Variants in COX7A1 observed in about 807,000 individuals in gnomAD.
The protein encoded by COX7A1 is cytochrome c oxidase subunit 7A1, mitochondrial.
A neutral mutation model predicts 13.2 loss-of-function variants in COX7A1; 21 were observed. That is an observed-to-expected ratio of 1.59 (90% confidence interval 1.13 to 2.29). COX7A1 has a LOEUF of 2.29. Ranked by LOEUF, COX7A1 falls within the 30% of genes most tolerant of loss-of-function variation. The pLI, the probability that COX7A1 is intolerant of heterozygous loss-of-function variation, is 0.00. For synonymous variants in COX7A1, 41 were observed against 41.9 expected (o/e 0.98, Z 0.08); for missense variants, 107 against 100.0 (o/e 1.07, Z -0.30).
intron 2 of COX7A1, 32 bp downstream of exon 2, chr19:36,151,637 G>T: frequency 6.3e-7 from 1 of 1,599,414 alleles, no homozygotes; most frequent in Non-Finnish European, 8.5e-7. Context: ...CCCGGCTGGC[G>T]CGTCGGATCC....
chr19:36,152,164 T>C, intron 1 of COX7A1: 1 of 536,184 alleles, frequency 1.9e-6, no homozygotes, highest in Non-Finnish European at 3.3e-6. Flanking sequence ...GTGTTAAGGG[T>C]TCCCGAGATG....
chr19:36,151,666 C>CCCCCCCCTGG lies in COX7A1; in HGVS notation c.102+2_102+3insCCAGGGGGGG. 1.9e-6 allele frequency: 3 copies of CCCCCCCCTGG among 1,584,890 alleles called. No homozygotes were observed. Among genetic ancestry groups the CCCCCCCCTGG allele is most frequent in the South Asian group, 2.2e-5 (2 of 89,350 alleles). ...CGGATCCCCACCCCCCCCGACCCCC[C>CCCCCCCCTGG]ACCTGGAAGAGCTTCTGTTTCTCGC... On this transcript the variant is annotated splice_region_variant and intron_variant, in intron 2 of 3. Transcript: ENST00000292907.
intron 3 of COX7A1, 74 bp from the exon 4 acceptor site, chr19:36,151,108 C>T: frequency 6.8e-7 from 1 of 1,474,376 alleles, no homozygotes; most frequent in Non-Finnish European, 9.3e-7. Flanking sequence ...TTAAGGCCTT[C>T]AGGCTCCCTG....
At chr19:36,151,379 G>T in intron 3 of COX7A1, 83 bp downstream of exon 3, 1 of 1,479,490 alleles carries the variant, frequency 6.8e-7, no homozygotes, top group African/African-American at 1.4e-5. Context: ...CCAGATCCTG[G>T]TCAGTCCTGC....
intron 3 of COX7A1, 60 bp from the exon 4 acceptor site, chr19:36,151,094 G>A: frequency 1.3e-6 from 2 of 1,534,666 alleles, no homozygotes; most frequent in Non-Finnish European, 8.9e-7. Context: ...GACATCCCAG[G>A]CTTTTAAGGC....
chr19:36,151,859 C>T, intron 1 of COX7A1, 104 bp from the exon 2 acceptor site: 1 of 1,038,608 alleles, frequency 9.6e-7, no homozygotes, highest in South Asian at 1.4e-5. Flanking sequence ...CCATCCCTAG[C>T]GAGCGTCCCA....
intron 3 of COX7A1, among the ~76,000 whole-genome samples, 190 bp downstream of exon 3, chr19:36,151,272 C>T (rs1299634746): frequency 6.6e-6 from 1 of 152,104 alleles, no homozygotes; most frequent in Non-Finnish European, 1.5e-5. Context: ...ACCCAGCCCC[C>T]GTCCTGGGAC....
At chr19:36,151,956 G>T in intron 1 of COX7A1, 1 of 704,140 alleles carries the variant, frequency 1.4e-6, no homozygotes, top group East Asian at 2.7e-5. Context: ...TCTGGCCTGG[G>T]GGTGACCGGG....
In COX7A1 at chr19:36,151,392, A is replaced by G. The variant is rs1022370010; in HGVS notation, c.187+70T>C. The G allele has an allele frequency of 4.5e-6, 7 of 1,566,206 alleles. No individual in the cohort carries two copies. The African/African-American group carries it at 9.5e-5, about 21-fold the overall frequency. ...ACCCAGATCCTGGTCAGTCCTGCCC[A>G]GAAACCAGCCACCTCTTACTCTGGG... On this transcript the variant is annotated intron_variant, in intron 3 of 3. Coordinates refer to ENST00000292907, the MANE Select transcript of COX7A1 (RefSeq NM_001864.4).
chr19:36,151,907 C>T, intron 1 of COX7A1, 152 bp from the exon 2 acceptor site: 1 of 781,036 alleles, frequency 1.3e-6, no homozygotes, highest in Non-Finnish European at 2.2e-6. Flanking sequence ...CTGTTACCCG[C>T]GAACTGCCAG....
At chr19:36,151,377 T>C in intron 3 of COX7A1, 85 bp downstream of exon 3, 1 of 1,458,994 alleles carries the variant, frequency 6.9e-7, no homozygotes, top group Non-Finnish European at 9.5e-7. Flanking sequence ...ACCCAGATCC[T>C]GGTCAGTCCT....
intron 1 of COX7A1, 190 bp from the exon 2 acceptor site, chr19:36,151,945 G>A: frequency 1.4e-6 from 1 of 719,616 alleles, no homozygotes; most frequent in Non-Finnish European, 2.6e-6. Context: ...TCGCCCTGGA[G>A]TCTGGCCTGG....
chr19:36,151,405 C>T, intron 3 of COX7A1, 57 bp downstream of exon 3: 1 of 1,592,662 alleles, frequency 6.3e-7, no homozygotes, highest in Non-Finnish European at 8.6e-7. Context: ...AACCAGCCAC[C>T]TCTTACTCTG....
intron 3 of COX7A1, 117 bp downstream of exon 3, chr19:36,151,345 C>G: frequency 1.8e-6 from 2 of 1,107,084 alleles, no homozygotes; most frequent in Non-Finnish European, 2.6e-6. Context: ...TACTCGACCC[C>G]CTTCCTAAAC....
Position 36,152,446 on chromosome 19 carries a change from C to A in COX7A1, c.-39G>T. ...CTTCCGCCGGAGTCACCTCCCTTCTCCGCCCAAGGACACGCGTAGTCCTCC... is the reference window on the plus strand; with the variant it reads ...CTTCCGCCGGAGTCACCTCCCTTCTACGCCCAAGGACACGCGTAGTCCTCC... On this transcript the variant is annotated 5_prime_UTR_variant, in exon 1 of 4. Coordinates refer to ENST00000292907, the MANE Select transcript of COX7A1 (RefSeq NM_001864.4). 1 of 1,325,532 alleles carries A rather than the reference C, an allele frequency of 7.5e-7. No individual in the cohort carries two copies. Among genetic ancestry groups the A allele is most frequent in the Non-Finnish European group, 9.7e-7 (1 of 1,026,870 alleles). 82.1% of individuals were successfully genotyped at this position (1,325,532 alleles called of 1,614,324 possible). A position where few individuals can be genotyped will look rare whatever the true frequency, so the allele number is the denominator to read the frequency against.
At chr19:36,151,645 T>TACCCCCCCCCCCC in intron 2 of COX7A1, 24 bp downstream of exon 2, 3 of 1,387,596 alleles carry the variant, frequency 2.2e-6, no homozygotes, top group Non-Finnish European at 3.0e-6. Context: ...GCGCGTCGGA[T>TACCCCCCCCCCCC]CCCCACCCCC....
intron 1 of COX7A1, 86 bp from the exon 2 acceptor site, chr19:36,151,841 G>T: frequency 8.4e-7 from 1 of 1,186,408 alleles, no homozygotes; most frequent in Non-Finnish European, 1.2e-6. Context: ...CTGGACGTGG[G>T]GACAGCCCCA....
At position 36,152,419 on chromosome 19, in the gene COX7A1, C is replaced by T. The variant is rs1974788234; in HGVS notation, c.-12G>A. On this transcript the variant is annotated 5_prime_UTR_variant, in exon 1 of 4. Transcript: ENST00000292907. ...CGAAGGGCCTGCATTCTGCCTTGTC[C>T]TCTTCCGCCGGAGTCACCTCCCTTC... 2 of 1,358,138 alleles carry T rather than the reference C, an allele frequency of 1.5e-6. No homozygotes were observed. The highest frequency in any genetic ancestry group is 5.8e-5 in the East Asian group (2 of 34,256). 84.1% of individuals were successfully genotyped at this position (1,358,138 alleles called of 1,614,324 possible).
At chr19:36,151,798 G>T in intron 1 of COX7A1, 43 bp from the exon 2 acceptor site, 1 of 1,527,736 alleles carries the variant, frequency 6.5e-7, no homozygotes, top group Non-Finnish European at 8.9e-7. Flanking sequence ...CACCTGGAGG[G>T]GTGTCCTGAA....
Sources: gnomAD v4.1 joint callset for allele counts (sites outside exome capture counted in the v4.1 genomes callset) on GRCh38, gnomAD v4.1.1 for gene constraint, MANE v1.5 for transcripts, NCBI Gene and HGNC (gene_info 2026-07-23, HGNC 2026-07-21) for gene names.